Variants in C14orf132 observed in about 807,000 individuals in gnomAD.
The protein encoded by C14orf132 is chromosome 14 open reading frame 132.
C14orf132 carries 6 observed loss-of-function variants against 5.8 expected under a neutral mutation model. That is an observed-to-expected ratio of 1.03 (90% CI 0.57 to 2.04). C14orf132 has a LOEUF of 2.04. Ranked by LOEUF, C14orf132 falls within the 30% of genes most tolerant of loss-of-function variation. C14orf132 has a pLI of 0.00. For synonymous variants in C14orf132, 51 were observed against 49.8 expected, an observed-to-expected ratio of 1.02 and a Z score of -0.10; for missense variants, 125 against 115.8, an observed-to-expected ratio of 1.08 and a Z score of -0.37.
At chr14:96,070,158 C>G (rs905490225) in intron 1 of C14orf132, among the ~76,000 whole-genome samples, 2 of 152,226 alleles carry the variant, frequency 1.3e-5, no homozygotes, top group African/African-American at 4.8e-5. Context: ...GCCTTGTGGA[C>G]AAATGAGGGT....
rs1595195119 is a variant in C14orf132 at position 96,086,703 on chromosome 14, G to C, written c.220G>C (p.Val74Leu). Residue 74 changes from valine (V) to leucine (L), a missense_variant, in exon 2 of 2, where the codon GTG (valine) becomes CTG (leucine). By Grantham distance (32) the Val-to-Leu change is conservative. Transcript: ENST00000555004. ...CATAGCTACGCTGGGGAACATCGTG[G>C]TGGTGGGCGTGGTGTATGCCTTCAC... The part of the protein sequence containing the change: ...AIIATLGNIV[V>L]VGVVYAFTF 1.3e-6 allele frequency: 2 copies of C among 1,536,188 alleles called. No homozygotes were observed. Among genetic ancestry groups the C allele is most frequent in the East Asian group, 2.4e-5 (1 of 40,920 alleles).
intron 1 of C14orf132, among the ~76,000 whole-genome samples, chr14:96,076,741 A>G (rs1887879325): frequency 6.6e-6 from 1 of 152,234 alleles, no homozygotes; most frequent in Non-Finnish European, 1.5e-5. Flanking sequence ...GGTTTAGATT[A>G]TTAAATTGAG....
rs1324663365 is a variant in C14orf132 at position 96,091,090 on chromosome 14, G to A, written c.*4355G>A. On this transcript the variant is annotated 3_prime_UTR_variant, in exon 2 of 2. Coordinates refer to ENST00000555004, the MANE Select transcript of C14orf132 (RefSeq NM_001252507.3). ...AATTACTGTCGCATTTTTCTGTGGA[G>A]AAAACTGAGGCCAGGGCTGAACGCT... is the stretch of plus-strand genomic sequence containing the variant. 2.2e-6 allele frequency: 1 copy of A among 444,594 alleles called. No individual in the cohort carries two copies. The highest frequency in any genetic ancestry group is 4.5e-6 in the Non-Finnish European group (1 of 221,108). The allele number at this position is 444,594 out of a possible 1,614,324, so 27.5% of individuals were successfully genotyped here.
chr14:96,089,370 G>A lies in C14orf132; in HGVS notation c.*2635G>A, dbSNP rs1332960478. On this transcript the variant is annotated 3_prime_UTR_variant, in exon 2 of 2. Coordinates refer to ENST00000555004, the MANE Select transcript of C14orf132 (RefSeq NM_001252507.3). ...CCAGTGCACAGATGAGGAACCAGAG[G>A]CTCAGAGGAGTGAAGTTGCCTTCCT... 2 of 152,396 alleles carry A rather than the reference G, an allele frequency of 1.3e-5. No homozygotes were observed. The highest frequency in any genetic ancestry group is 2.4e-5 in the African/African-American group (1 of 41,460). The allele number at this position is 152,396 out of a possible 1,614,324, so 9.4% of individuals were successfully genotyped here. A position where few individuals can be genotyped will look rare whatever the true frequency, so the allele number is the denominator to read the frequency against.
chr14:96,090,001 A>G lies in C14orf132; in HGVS notation c.*3266A>G, dbSNP rs751950693. The G allele has an allele frequency of 1.3e-5, 2 of 152,780 alleles. No individual in the cohort carries two copies. Among genetic ancestry groups the G allele is most frequent in the African/African-American group, 2.4e-5 (1 of 41,434 alleles). 9.5% of individuals were successfully genotyped at this position (152,780 alleles called of 1,614,324 possible). A position where few individuals can be genotyped will look rare whatever the true frequency, so the allele number is the denominator to read the frequency against. On this transcript the variant is annotated 3_prime_UTR_variant, in exon 2 of 2. Transcript: ENST00000555004. Reference sequence around the variant, plus strand: ...CTCCCTGGGTGGGGTTGCCTGTTACATAGCTGTGCCTCAGAGAAAGGGTCC... The same window carrying G: ...CTCCCTGGGTGGGGTTGCCTGTTACGTAGCTGTGCCTCAGAGAAAGGGTCC...
At position 96,039,450 on chromosome 14, in the gene C14orf132, CGCAGCG is replaced by C; in HGVS notation, c.-39_-34del. The C allele has an allele frequency of 2.0e-6, 3 of 1,476,970 alleles. No individual in the cohort carries two copies. The highest frequency in any genetic ancestry group is 2.2e-5 in the Admixed American group (1 of 46,356). The allele number at this position is 1,476,970 out of a possible 1,614,324, so 91.5% of individuals were successfully genotyped here. A position where few individuals can be genotyped will look rare whatever the true frequency, so the allele number is the denominator to read the frequency against. ...CCGCCAACTGTGCAGGCGGCTGACCCGCAGCGGCAGCGGCAGCAGCGAGGACTCGAG... is the reference window on the plus strand; with the variant it reads ...CCGCCAACTGTGCAGGCGGCTGACCCGCAGCGGCAGCAGCGAGGACTCGAG... On this transcript the variant is annotated 5_prime_UTR_variant, in exon 1 of 2. Transcript: ENST00000555004. This position sits in a 1 kb window ranked among gnomAD's most constrained non-coding sequence, Gnocchi z 5.3.
At chr14:96,082,643 A>G (rs1310182605) in intron 1 of C14orf132, among the ~76,000 whole-genome samples, 1 of 152,204 alleles carries the variant, frequency 6.6e-6, no homozygotes, top group Admixed American at 6.5e-5. Context: ...TCTGCTGACA[A>G]CTGAAAATGA....
At chr14:96,051,317 C>T (rs1381251580) in intron 1 of C14orf132, 3 of 398,026 alleles carry the variant, frequency 7.5e-6, no homozygotes, top group Non-Finnish European at 1.3e-5. Flanking sequence ...TTGGGCAGTT[C>T]AGTGAGCAGA....
chr14:96,059,268 G>A (rs2139656636), intron 1 of C14orf132, among the ~76,000 whole-genome samples: 1 of 152,344 alleles, frequency 6.6e-6, no homozygotes, highest in East Asian at 1.9e-4. Context: ...CTAGGCGACA[G>A]AATGAGACAC....
intron 1 of C14orf132, chr14:96,040,220 G>C (rs1486778404): frequency 7.7e-6 from 3 of 390,844 alleles, no homozygotes; most frequent in Non-Finnish European, 1.3e-5. Context: ...GAATGCCCTG[G>C]AGTTCTGAGC....
intron 1 of C14orf132, among the ~76,000 whole-genome samples, chr14:96,057,698 A>C (rs533455044): frequency 6.6e-6 from 1 of 152,310 alleles, no homozygotes; most frequent in South Asian, 2.1e-4. Flanking sequence ...AATGATGTCT[A>C]TTGGTCCTTG....
chr14:96,067,466 A>T (rs553112608), intron 1 of C14orf132, among the ~76,000 whole-genome samples: 10 of 151,692 alleles, frequency 6.6e-5, no homozygotes, highest in Non-Finnish European at 1.5e-4. Flanking sequence ...CTGGGAGGCC[A>T]AGGGGAGCAG....
chr14:96,057,974 C>T (rs977425596), intron 1 of C14orf132, among the ~76,000 whole-genome samples: 2 of 152,204 alleles, frequency 1.3e-5, no homozygotes, highest in African/African-American at 2.4e-5. Context: ...ACCATGCTAA[C>T]GCCTGCCTTG....
intron 1 of C14orf132, among the ~76,000 whole-genome samples, chr14:96,064,448 A>ATACATATATGTATATG (rs1249304676): frequency 6.6e-6 from 1 of 150,878 alleles, no homozygotes. Context: ...GTGTATATAT[A>ATACATATATGTATATG]TGTGTATATG....
chr14:96,089,367 G>A lies in C14orf132; in HGVS notation c.*2632G>A, dbSNP rs894394336. On this transcript the variant is annotated 3_prime_UTR_variant, in exon 2 of 2. Transcript: ENST00000555004. ...GCCCCAGTGCACAGATGAGGAACCA[G>A]AGGCTCAGAGGAGTGAAGTTGCCTT... 1 of 152,406 alleles carries A rather than the reference G, an allele frequency of 6.6e-6. No individual in the cohort carries two copies. Among genetic ancestry groups the A allele is most frequent in the Non-Finnish European group, 1.5e-5 (1 of 68,132 alleles). 9.4% of individuals were successfully genotyped at this position (152,406 alleles called of 1,614,324 possible).
At chr14:96,059,986 C>T (rs1001763644) in intron 1 of C14orf132, among the ~76,000 whole-genome samples, 6 of 152,212 alleles carry the variant, frequency 3.9e-5, no homozygotes, top group Non-Finnish European at 8.8e-5. Context: ...TGCAGCTCCC[C>T]ATAGTGGTGC....
In C14orf132 at chr14:96,090,630, C is replaced by A. The variant is rs950662539; in HGVS notation, c.*3895C>A. On this transcript the variant is annotated 3_prime_UTR_variant, in exon 2 of 2. Coordinates refer to ENST00000555004, the MANE Select transcript of C14orf132 (RefSeq NM_001252507.3). The stretch of plus-strand genomic sequence containing the variant: ...AAGGTCAAGAGGCAAATAAGACTCC[C>A]TGCTCCACTCTACCCCCCAGAGAGA... 8.8e-6 allele frequency: 4 copies of A among 455,952 alleles called. No homozygotes were observed. Among genetic ancestry groups the A allele is most frequent in the Non-Finnish European group, 1.8e-5 (4 of 226,802 alleles). The allele number at this position is 455,952 out of a possible 1,614,324, so 28.2% of individuals were successfully genotyped here.
At chr14:96,079,771 C>T (rs1887976355) in intron 1 of C14orf132, among the ~76,000 whole-genome samples, 2 of 152,208 alleles carry the variant, frequency 1.3e-5, no homozygotes, top group African/African-American at 4.8e-5. Context: ...CTAGGTCCCC[C>T]AGAGAGCCTG....
At chr14:96,047,916 G>A (rs1393910624) in intron 1 of C14orf132, among the ~76,000 whole-genome samples, 2 of 152,138 alleles carry the variant, frequency 1.3e-5, no homozygotes, top group African/African-American at 2.4e-5. Context: ...CGCTGAGCCC[G>A]GTGGCTCATG....
Sources: allele counts gnomAD v4.1 joint callset (sites outside exome capture counted in the v4.1 genomes callset), GRCh38; gene constraint gnomAD v4.1.1; non-coding constraint Gnocchi (gnomAD v3.1); transcripts MANE v1.5; gene names NCBI Gene and HGNC (gene_info 2026-07-23, HGNC 2026-07-21).